The following LSAMP variants were observed in gnomAD, a reference collection of about 807,000 sequenced individuals.
LSAMP encodes limbic system-associated membrane protein.
LSAMP carries 7 observed loss-of-function variants against 38.6 expected under a neutral mutation model. The ratio of observed to expected loss-of-function variants is 0.18; its 90% CI spans 0.10 to 0.34. LSAMP has a LOEUF of 0.34. Ranked by LOEUF, LSAMP falls within the 10% of genes least tolerant of loss-of-function variation. LSAMP has a pLI of 1.00. For missense variants in LSAMP, 313 were observed against 420.0 expected, an observed-to-expected ratio of 0.75 and a Z score of 2.23; for synonymous variants, 154 against 166.8, an observed-to-expected ratio of 0.92 and a Z score of 0.59.
chr3:115,939,530 C>CCCTTTCTTTCTTTCTTTCTTTCTT (rs1553751052), intron 3 of LSAMP, among the ~76,000 whole-genome samples: 3 of 99,620 alleles, frequency 3.0e-5, no homozygotes, highest in Non-Finnish European at 2.0e-5. Context: ...TGTTCTCTTT[C>CCCTTTCTTTCTTTCTTTCTTTCTT]TCTTTCTTTC....
At chr3:116,262,164 T>C (rs1163315839) in intron 1 of LSAMP, among the ~76,000 whole-genome samples, 1 of 152,164 alleles carries the variant, frequency 6.6e-6, no homozygotes, top group Non-Finnish European at 1.5e-5. Context: ...CTAAATGCAA[T>C]GACTATTGTA....
At chr3:116,264,404 C>T (rs1283354187) in intron 1 of LSAMP, among the ~76,000 whole-genome samples, 1 of 152,168 alleles carries the variant, frequency 6.6e-6, no homozygotes, top group African/African-American at 2.4e-5. Context: ...TAAGAGGCGG[C>T]TTCCAAGACA....
At chr3:116,240,905 G>T (rs2046524461) in intron 1 of LSAMP, among the ~76,000 whole-genome samples, 1 of 152,164 alleles carries the variant, frequency 6.6e-6, no homozygotes, top group African/African-American at 2.4e-5. Flanking sequence ...GCTGGGTGCG[G>T]TGGCTCATGC....
At chr3:116,292,222 TCTCCTCAATATATTAA>T (rs1158457740) in intron 1 of LSAMP, among the ~76,000 whole-genome samples, 4 of 152,142 alleles carry the variant, frequency 2.6e-5, no homozygotes, top group Non-Finnish European at 5.9e-5. Context: ...AGGCTCCTAA[TCTCCTCAATATATTAA>T]CAGTCCGTGC....
At chr3:116,021,812 G>C (rs567772430) in intron 2 of LSAMP, among the ~76,000 whole-genome samples, 2 of 151,074 alleles carry the variant, frequency 1.3e-5, no homozygotes, top group East Asian at 3.9e-4. Context: ...TCTCTCTCTC[G>C]GTGTTTTTTT....
intron 3 of LSAMP, among the ~76,000 whole-genome samples, chr3:115,987,316 C>A (rs1939536885): frequency 6.6e-6 from 1 of 152,108 alleles, no homozygotes; most frequent in African/African-American, 2.4e-5. Flanking sequence ...TGAGCTAGTG[C>A]CTTTCCTGTT....
chr3:116,211,907 G>A (rs533757739), intron 1 of LSAMP, among the ~76,000 whole-genome samples: 1 of 152,322 alleles, frequency 6.6e-6, no homozygotes, highest in East Asian at 1.9e-4. Context: ...GATGATAGCA[G>A]GAGACGTTGG....
chr3:115,844,548 C>T (rs1390000112), intron 4 of LSAMP, among the ~76,000 whole-genome samples: 3 of 152,168 alleles, frequency 2.0e-5, no homozygotes, highest in Non-Finnish European at 4.4e-5. Flanking sequence ...GGATGGGACA[C>T]AGAATAGAGG....
chr3:116,357,200 C>G (rs2048237592), intron 1 of LSAMP, among the ~76,000 whole-genome samples: 3 of 152,052 alleles, frequency 2.0e-5, no homozygotes, highest in African/African-American at 4.8e-5. Context: ...TACGACTACC[C>G]CAGTATTACT....
chr3:116,285,928 C>T (rs1405531625), intron 1 of LSAMP, among the ~76,000 whole-genome samples: 1 of 152,122 alleles, frequency 6.6e-6, no homozygotes, highest in Non-Finnish European at 1.5e-5. Flanking sequence ...GGGGAAGAGG[C>T]CTAGAAAGGA....
intron 2 of LSAMP, among the ~76,000 whole-genome samples, chr3:116,079,711 C>G (rs142043593): frequency 7.0e-4 from 106 of 151,190 alleles, no homozygotes; most frequent in African/African-American, 2.5e-3. Context: ...TCAGGCAGAC[C>G]TAGGACTGGA....
rs143527215 is a variant in LSAMP, at chr3:116,329,393, G to C, written c.155+115484C>G. ...TAAATGAAAGAAATCTCAGTTGTTCGTTTCCGACTTGATAAAAAGCACTGA... is the reference window on the plus strand; with the variant it reads ...TAAATGAAAGAAATCTCAGTTGTTCCTTTCCGACTTGATAAAAAGCACTGA... On this transcript the variant is annotated intron_variant, in intron 1 of 6. Coordinates refer to ENST00000490035, the MANE Select transcript of LSAMP (RefSeq NM_002338.5). Among the ~76,000 whole-genome samples, 9 of 152,156 alleles carry C rather than the reference G, an allele frequency of 5.9e-5. No homozygotes were observed. The East Asian group carries it at 1.7e-3, about 29-fold the overall frequency.
At chr3:116,125,278 C>A (rs1281081923) in intron 1 of LSAMP, among the ~76,000 whole-genome samples, 2 of 152,130 alleles carry the variant, frequency 1.3e-5, no homozygotes, top group Non-Finnish European at 2.9e-5. Context: ...CAGACAAAAT[C>A]AAGAGTCTCC....
chr3:115,898,714 ATG>A (rs1936794432), intron 3 of LSAMP, among the ~76,000 whole-genome samples: 1 of 151,946 alleles, frequency 6.6e-6, no homozygotes, highest in South Asian at 2.1e-4. Context: ...CTCCCTGGCT[ATG>A]ACTGAATCAG....
intron 1 of LSAMP, among the ~76,000 whole-genome samples, chr3:116,178,546 A>G (rs1034988394): frequency 6.6e-6 from 1 of 152,172 alleles, no homozygotes; most frequent in African/African-American, 2.4e-5. Flanking sequence ...AACCAGCAAC[A>G]TACAGAGAGA....
chr3:116,322,399 G>C (rs916759297), intron 1 of LSAMP, among the ~76,000 whole-genome samples: 8 of 152,134 alleles, frequency 5.3e-5, no homozygotes, highest in African/African-American at 1.9e-4. Flanking sequence ...ACTCAACCAG[G>C]AACATCCAAA....
chr3:116,377,270 C>T (rs2048505857), intron 1 of LSAMP, among the ~76,000 whole-genome samples: 1 of 151,956 alleles, frequency 6.6e-6, no homozygotes. Context: ...TGTTGTTCCC[C>T]TCCCTGTGTC....
At chr3:116,142,016 A>G (rs1168998281) in intron 1 of LSAMP, among the ~76,000 whole-genome samples, 1 of 151,948 alleles carries the variant, frequency 6.6e-6, no homozygotes, top group African/African-American at 2.4e-5. Flanking sequence ...TAACATCCAA[A>G]CTACAATCTG....
chr3:115,876,738 AT>A lies in LSAMP; in HGVS notation c.515-24122del, dbSNP rs370431986. ...GGTTTATCTACCCCTCTTTCATTCT[AT>A]TTTTTTCTTCCTATATTCTTCTCTT... On this transcript the variant is annotated intron_variant, in intron 3 of 6. Coordinates refer to ENST00000490035, the MANE Select transcript of LSAMP (RefSeq NM_002338.5). 1.4e-4 allele frequency among the ~76,000 whole-genome samples: 22 copies of A among 151,848 alleles called. No individual in the cohort carries two copies. The East Asian group carries it at 2.7e-3, about 19-fold the overall frequency.
Sources: allele counts gnomAD v4.1 joint callset (sites outside exome capture counted in the v4.1 genomes callset), GRCh38; gene constraint gnomAD v4.1.1; transcripts MANE v1.5; gene names NCBI Gene and HGNC (gene_info 2026-07-23, HGNC 2026-07-21).